The following EP300 variants were observed in gnomAD, a reference collection of about 807,000 sequenced individuals.
EP300 encodes histone acetyltransferase p300.
Under a neutral mutation model 264.0 loss-of-function variants are expected in EP300, and 31 were observed. That is an observed-to-expected ratio of 0.12 (90% CI 0.09 to 0.16). EP300 has a LOEUF of 0.16. Among genes scored for constraint, EP300 ranks in the 10% least tolerant of loss-of-function variants. The probability of loss-of-function intolerance (pLI) is 1.00; values close to 1 mark genes in which losing one functional copy is unlikely to be tolerated. For missense variants in EP300, 2,766 were observed against 3,052.9 expected (o/e 0.91, Z 2.21); for synonymous variants, 1,340 against 1,045.4 (o/e 1.28, Z -5.44).
At chr22:41,097,707 T>TTA (rs2058709720) in intron 1 of EP300, among the ~76,000 whole-genome samples, 1 of 152,230 alleles carries the variant, frequency 6.6e-6, no homozygotes, top group Non-Finnish European at 1.5e-5. Flanking sequence ...TCTTTGAAGA[T>TTA]TTCTAAAGTT....
At chr22:41,149,398 T>C (rs2059030209) in intron 13 of EP300, among the ~76,000 whole-genome samples, 1 of 152,232 alleles carries the variant, frequency 6.6e-6, no homozygotes, top group Admixed American at 6.5e-5. Context: ...ATGGATAGTT[T>C]TAATTGTTTT....
At chr22:41,158,713 C>G in intron 19 of EP300, 1 of 543,976 alleles carries the variant, frequency 1.8e-6, no homozygotes, top group Non-Finnish European at 3.3e-6. Context: ...GGGTTCCTCC[C>G]AAGAGCTTGA....
chr22:41,110,579 T>G (rs923331698), intron 1 of EP300, among the ~76,000 whole-genome samples: 1 of 152,014 alleles, frequency 6.6e-6, no homozygotes, highest in African/African-American at 2.4e-5. Context: ...ATTGCAGATG[T>G]GAGCTACCAC....
chr22:41,102,846 T>G (rs1382006155), intron 1 of EP300, among the ~76,000 whole-genome samples: 1 of 152,114 alleles, frequency 6.6e-6, no homozygotes, highest in African/African-American at 2.4e-5. Context: ...TGTTGGGTGA[T>G]GATTTATTTA....
intron 7 of EP300, 102 bp from the exon 8 acceptor site, chr22:41,137,551 A>G (rs563282244): frequency 8.1e-5 from 121 of 1,485,118 alleles, no homozygotes; most frequent in Non-Finnish European, 6.7e-5. Flanking sequence ...TAGAAGTGAC[A>G]TAGCATATTG....
At chr22:41,142,086 T>G (rs1265738486) in intron 10 of EP300, among the ~76,000 whole-genome samples, 1 of 152,238 alleles carries the variant, frequency 6.6e-6, no homozygotes, top group African/African-American at 2.4e-5. Context: ...ATAGTCTTAC[T>G]CAATCGTTGA....
Position 41,149,019 on chromosome 22 carries a change from T to G in EP300, c.2242-19T>G. On this transcript the variant is annotated intron_variant, in intron 12 of 30. Transcript: ENST00000263253. ...TATAATGAAGCAGTTTGGTGATTTG[T>G]GTTTTTTTTTTTTTTCAGCCTATGG... is the stretch of plus-strand genomic sequence containing the variant. 1 of 1,609,396 alleles carries G rather than the reference T, an allele frequency of 6.2e-7. No individual in the cohort carries two copies. Among genetic ancestry groups the G allele is most frequent in the Non-Finnish European group, 8.5e-7 (1 of 1,177,194 alleles).
intron 1 of EP300, chr22:41,108,212 A>T (rs1470876242): frequency 6.7e-6 from 1 of 148,978 alleles, no homozygotes; most frequent in Non-Finnish European, 1.5e-5. Flanking sequence ...TGGGTAAACC[A>T]TGTATTAGGC....
intron 1 of EP300, among the ~76,000 whole-genome samples, chr22:41,101,414 C>CTTTT (rs72279139): frequency 1.4e-5 from 2 of 139,172 alleles, no homozygotes; most frequent in Non-Finnish European, 3.1e-5. Context: ...TTACATGGAT[C>CTTTT]TTTTTTTTTT....
At chr22:41,168,953 T>C (rs1387105108) in intron 25 of EP300, 86 bp downstream of exon 25, 5 of 1,578,384 alleles carry the variant, frequency 3.2e-6, no homozygotes, top group Non-Finnish European at 2.6e-6. Flanking sequence ...GGCAAGAAAA[T>C]GTTTAGTGTG....
At position 41,139,870 on chromosome 22, in the gene EP300, T is replaced by C. The variant is rs544941512; in HGVS notation, c.1761-270T>C. ...CAAGGCCTGTTTTCCTCACTGTCTTTAGTATGTAACCCAAAGTAATATTTT... is the reference window on the plus strand; with the variant it reads ...CAAGGCCTGTTTTCCTCACTGTCTTCAGTATGTAACCCAAAGTAATATTTT... On this transcript the variant is annotated intron_variant, in intron 8 of 30. Transcript: ENST00000263253. Among the ~76,000 whole-genome samples, 5 of 152,334 alleles carry C rather than the reference T, an allele frequency of 3.3e-5. No homozygotes were observed. In the South Asian group the frequency reaches 8.3e-4, roughly 25 times the overall value.
At chr22:41,094,425 G>A (rs2058690940) in intron 1 of EP300, among the ~76,000 whole-genome samples, 1 of 152,230 alleles carries the variant, frequency 6.6e-6, no homozygotes, top group South Asian at 2.1e-4. Context: ...TTATAAGAAA[G>A]ATGTGAAATG....
chr22:41,169,931 C>T (rs1382425017), intron 26 of EP300, among the ~76,000 whole-genome samples: 1 of 152,202 alleles, frequency 6.6e-6, no homozygotes, highest in Non-Finnish European at 1.5e-5. Context: ...CCTTTTACAA[C>T]CTGGGTATGA....
intron 1 of EP300, among the ~76,000 whole-genome samples, chr22:41,112,315 A>C (rs887039311): frequency 2.0e-5 from 3 of 150,860 alleles, no homozygotes; most frequent in African/African-American, 7.3e-5. Flanking sequence ...TCAGCCTCCC[A>C]AGTAGCTGGG....
Position 41,093,169 on chromosome 22 carries a change from A to T in EP300, c.94+71A>T, listed in dbSNP as rs532728896. On this transcript the variant is annotated intron_variant, in intron 1 of 30. Transcript: ENST00000263253. ...CTACTCGGTGCGCCTTTATTCTTCC[A>T]TTTTTTTTTTCTTCCTCTCTCTCTA... is the stretch of plus-strand genomic sequence containing the variant. 1.1e-3 allele frequency: 1,424 copies of T among 1,348,842 alleles called. 4 individuals carry two copies. The East Asian group carries it at 0.019, about 18-fold the overall frequency. The allele number at this position is 1,348,842 out of a possible 1,614,324, so 83.6% of individuals were successfully genotyped here.
chr22:41,096,884 G>T (rs111882714), intron 1 of EP300, among the ~76,000 whole-genome samples: 11 of 152,152 alleles, frequency 7.2e-5, no homozygotes, highest in Non-Finnish European at 1.3e-4. Context: ...CTCCCAAAGT[G>T]CTGGGAATAC....
intron 5 of EP300, 79 bp from the exon 6 acceptor site, chr22:41,131,309 G>T: frequency 6.9e-7 from 1 of 1,443,060 alleles, no homozygotes; most frequent in Admixed American, 1.7e-5. Context: ...ATAATTTTGT[G>T]GGGTTTTTTA....
At chr22:41,137,591 A>G (rs2058959122) in intron 7 of EP300, 62 bp from the exon 8 acceptor site, 9 of 1,605,230 alleles carry the variant, frequency 5.6e-6, no homozygotes, top group Non-Finnish European at 6.8e-6. Flanking sequence ...TGTCAGCTTG[A>G]ATTAAATGAG....
At chr22:41,140,786 C>G (rs2058977590) in intron 9 of EP300, among the ~76,000 whole-genome samples, 1 of 152,066 alleles carries the variant, frequency 6.6e-6, no homozygotes, top group South Asian at 2.1e-4. Flanking sequence ...CCTTGTCTCT[C>G]TCAAAAACAG....
Sources: allele counts gnomAD v4.1 joint callset (sites outside exome capture counted in the v4.1 genomes callset), GRCh38; gene constraint gnomAD v4.1.1; transcripts MANE v1.5; gene names NCBI Gene and HGNC (gene_info 2026-07-23, HGNC 2026-07-21).